HMCN1: variants seen among roughly 807,000 people sequenced by gnomAD.
HMCN1 encodes hemicentin-1.
HMCN1 carries 321 observed loss-of-function variants against 625.9 expected under a neutral mutation model. The observed-to-expected ratio is 0.51, with a 90% confidence interval of 0.47 to 0.56. HMCN1 has a LOEUF of 0.56. HMCN1 is among the 20% of genes least tolerant of loss of function. The probability of loss-of-function intolerance (pLI) is 0.00; values close to 1 mark genes in which losing one functional copy is unlikely to be tolerated. For synonymous variants in HMCN1, 2,425 were observed against 2,417.6 expected, an observed-to-expected ratio of 1.00 and a Z score of -0.09; for missense variants, 6,588 against 6,887.3, an observed-to-expected ratio of 0.96 and a Z score of 1.54.
At chr1:186,022,718 T>C (rs1654799815) in intron 35 of HMCN1, among the ~76,000 whole-genome samples, 1 of 152,088 alleles carries the variant, frequency 6.6e-6, no homozygotes, top group Non-Finnish European at 1.5e-5. Flanking sequence ...TTCAAATAGC[T>C]TAAATTTTCA....
At chr1:186,156,952 C>A (rs1222877090) in intron 97 of HMCN1, among the ~76,000 whole-genome samples, 1 of 152,078 alleles carries the variant, frequency 6.6e-6, no homozygotes, top group Non-Finnish European at 1.5e-5. Flanking sequence ...ACTGTATGAG[C>A]CAAACCTGGG....
At chr1:186,037,676 T>C (rs186595801) in intron 36 of HMCN1, among the ~76,000 whole-genome samples, 1 of 152,298 alleles carries the variant, frequency 6.6e-6, no homozygotes, top group East Asian at 1.9e-4. Flanking sequence ...AACTTTTTTT[T>C]ACTCCTCTAC....
intron 1 of HMCN1, 87 bp from the exon 2 acceptor site, chr1:185,845,939 C>A (rs1661785107): frequency 2.3e-5 from 19 of 822,426 alleles, no homozygotes; most frequent in South Asian, 2.2e-4. Context: ...CCATGTACTG[C>A]AAGGTGAAAA....
intron 36 of HMCN1, among the ~76,000 whole-genome samples, chr1:186,026,696 C>T (rs553738974): frequency 9.2e-5 from 14 of 152,174 alleles, no homozygotes; most frequent in Non-Finnish European, 1.3e-4. Flanking sequence ...TGCAGTGGTA[C>T]GGTCATGACT....
Position 185,850,022 on chromosome 1 carries a change from A to G in HMCN1, c.339+3926A>G, listed in dbSNP as rs114770111. ...ATATTCATGGATCTTGGAAATTAGAAACTGCATTGTTCTGGTTGTTTAAAT... is the reference window on the plus strand; with the variant it reads ...ATATTCATGGATCTTGGAAATTAGAGACTGCATTGTTCTGGTTGTTTAAAT... On this transcript the variant is annotated intron_variant, in intron 2 of 106. Transcript: ENST00000271588. 2.0e-3 allele frequency among the ~76,000 whole-genome samples: 301 copies of G among 152,272 alleles called. 2 individuals carry two copies. Among genetic ancestry groups the G allele is most frequent in the African/African-American group, 7.0e-3 (293 of 41,562 alleles).
intron 2 of HMCN1, among the ~76,000 whole-genome samples, chr1:185,859,659 T>TTTA (rs905901608): frequency 1.1e-4 from 16 of 151,774 alleles, no homozygotes; most frequent in Non-Finnish European, 1.3e-4. Context: ...GATCATTTTA[T>TTTA]TTATTATTAT....
At chr1:185,839,894 C>T (rs1473471458) in intron 1 of HMCN1, among the ~76,000 whole-genome samples, 15 of 152,152 alleles carry the variant, frequency 9.9e-5, no homozygotes, top group Admixed American at 9.8e-4. Flanking sequence ...GAACAGAATG[C>T]TATTTAAGCC....
chr1:186,133,501 G>T (rs1245091094), intron 86 of HMCN1, among the ~76,000 whole-genome samples: 1 of 152,110 alleles, frequency 6.6e-6, no homozygotes, highest in Non-Finnish European at 1.5e-5. Flanking sequence ...TGGCCCACTG[G>T]AGAGTTTACA....
chr1:186,000,587 G>GTGTA (rs1344361363), intron 26 of HMCN1, among the ~76,000 whole-genome samples: 1 of 150,394 alleles, frequency 6.6e-6, no homozygotes, highest in African/African-American at 2.5e-5. Context: ...GTGTGTGTGT[G>GTGTA]TGTGTATGTA....
chr1:185,972,226 G>T (rs1227961779), intron 15 of HMCN1, among the ~76,000 whole-genome samples: 1 of 152,162 alleles, frequency 6.6e-6, no homozygotes, highest in African/African-American at 2.4e-5. Context: ...CAACAAAAAG[G>T]TAATTGCACC....
rs567630962 is a variant in HMCN1 at position 186,155,949 on chromosome 1, T to C, written c.15256+1962T>C. 9.2e-5 allele frequency among the ~76,000 whole-genome samples: 14 copies of C among 152,322 alleles called. No homozygotes were observed. The South Asian group carries it at 2.9e-3, about 32-fold the overall frequency. On this transcript the variant is annotated intron_variant, in intron 97 of 106. Coordinates refer to ENST00000271588, the MANE Select transcript of HMCN1 (RefSeq NM_031935.3). The stretch of plus-strand genomic sequence containing the variant: ...TTCAGATTTCTGGGCACAAAGATTT[T>C]TGGTTTAGCAAGTCCACAGTAGGGT...
At position 186,115,537 on chromosome 1, in the gene HMCN1, G is replaced by GT. The variant is rs912134615; in HGVS notation, c.11561+130dup. On this transcript the variant is annotated intron_variant, in intron 75 of 106. Coordinates refer to ENST00000271588, the MANE Select transcript of HMCN1 (RefSeq NM_031935.3). The stretch of plus-strand genomic sequence containing the variant: ...TAACAAATTAGCTAGCATATAGAGG[G>GT]TTTTTTTCCTTAATATGGACTTAGT... 2.5e-5 allele frequency: 23 copies of GT among 925,334 alleles called. 1 individual carries two copies. In the South Asian group the frequency reaches 3.2e-4, roughly 13 times the overall value. The allele number at this position is 925,334 out of a possible 1,614,324, so 57.3% of individuals were successfully genotyped here.
intron 1 of HMCN1, among the ~76,000 whole-genome samples, chr1:185,759,483 G>T (rs766020978): frequency 3.3e-5 from 5 of 152,142 alleles, no homozygotes; most frequent in African/African-American, 1.2e-4. Flanking sequence ...CTTCAAAAGA[G>T]GTGATTTTGA....
intron 6 of HMCN1, among the ~76,000 whole-genome samples, chr1:185,921,023 C>T (rs1571560963): frequency 6.6e-6 from 1 of 152,108 alleles, no homozygotes; most frequent in Non-Finnish European, 1.5e-5. Flanking sequence ...TTTTATACAA[C>T]CCTACAGGAA....
At chr1:185,895,822 G>A (rs1665451793) in intron 4 of HMCN1, among the ~76,000 whole-genome samples, 1 of 152,164 alleles carries the variant, frequency 6.6e-6, no homozygotes, top group African/African-American at 2.4e-5. Flanking sequence ...AATACACAGT[G>A]TTAGGATTTG....
intron 1 of HMCN1, among the ~76,000 whole-genome samples, chr1:185,807,959 A>G (rs1323976154): frequency 6.6e-6 from 1 of 152,184 alleles, no homozygotes; most frequent in Admixed American, 6.6e-5. Flanking sequence ...GAAGGTAGAG[A>G]GACAGTTCTG....
chr1:185,756,448 G>A, intron 1 of HMCN1, among the ~76,000 whole-genome samples: 1 of 147,322 alleles, frequency 6.8e-6, no homozygotes, highest in East Asian at 2.0e-4. Context: ...TGGGCAACTT[G>A]ATACATTTTC....
intron 102 of HMCN1, among the ~76,000 whole-genome samples, chr1:186,173,459 GGT>G (rs1002608692): frequency 2.0e-5 from 3 of 151,614 alleles, no homozygotes; most frequent in African/African-American, 7.3e-5. Context: ...TGGCCAGCAT[GGT>G]GGAACCTCAT....
Position 186,093,122 on chromosome 1 carries a change from T to A in HMCN1, c.9888-12T>A, listed in dbSNP as rs746649687. ...TCTCATCTCAGCCCCTCTGTTATGA[T>A]CTTTTCCGTAGAGTGAGTGCAAATG... On this transcript the variant is annotated splice_polypyrimidine_tract_variant and intron_variant, in intron 64 of 106. Transcript: ENST00000271588. 1.4e-5 allele frequency: 22 copies of A among 1,613,054 alleles called. No individual in the cohort carries two copies. In the Admixed American group the frequency reaches 1.7e-4, roughly 12 times the overall value.
Sources: allele counts gnomAD v4.1 joint callset (sites outside exome capture counted in the v4.1 genomes callset), GRCh38; gene constraint gnomAD v4.1.1; transcripts MANE v1.5; gene names NCBI Gene and HGNC (gene_info 2026-07-23, HGNC 2026-07-21).